The following DRG2 variants were observed in gnomAD, a reference collection of about 807,000 sequenced individuals.
The protein encoded by DRG2 is developmentally regulated GTP binding protein 2.
DRG2 carries 36 observed loss-of-function variants against 53.4 expected under a neutral mutation model. The ratio of observed to expected loss-of-function variants is 0.67; its 90% CI spans 0.52 to 0.89. The LOEUF (loss-of-function observed/expected upper bound fraction) is 0.89, where lower values mean the gene tolerates loss of function less well. Among genes scored for constraint, DRG2 ranks in the 40% least tolerant of loss-of-function variants. The pLI is 0.00. For synonymous variants in DRG2, 167 were observed against 192.1 expected, an observed-to-expected ratio of 0.87 and a Z score of 1.08; for missense variants, 342 against 481.2, an observed-to-expected ratio of 0.71 and a Z score of 2.71.
At chr17:18,104,535 T>C in intron 10 of DRG2, 88 bp from the exon 11 acceptor site, 1 of 1,596,884 alleles carries the variant, frequency 6.3e-7, no homozygotes, top group Non-Finnish European at 8.5e-7. Context: ...AAAGGGCCTC[T>C]GTGGCCAGCT....
chr17:18,106,570 C>T, intron 12 of DRG2, 84 bp downstream of exon 12: 2 of 1,478,230 alleles, frequency 1.4e-6, no homozygotes, highest in Non-Finnish European at 1.9e-6. Flanking sequence ...TTCACACTCT[C>T]TGCGTGGTGT....
At chr17:18,101,757 C>T (rs2045541176) in intron 8 of DRG2, among the ~76,000 whole-genome samples, 164 bp from the exon 9 acceptor site, 2 of 152,198 alleles carry the variant, frequency 1.3e-5, no homozygotes, top group African/African-American at 4.8e-5. Context: ...GAGCTTGAAA[C>T]CAGGGTTCCA....
At chr17:18,102,739 A>G (rs1487146274) in intron 9 of DRG2, among the ~76,000 whole-genome samples, 1 of 151,848 alleles carries the variant, frequency 6.6e-6, no homozygotes, top group Non-Finnish European at 1.5e-5. Context: ...CTTCTGTCTG[A>G]TCACAGCTCA....
Position 18,099,187 on chromosome 17 carries a change from G to T in DRG2, c.376+110G>T. ...CTCTGGATCCCTGGTCCATTATCCC[G>T]CTTTCCAGAAAAGACAGGTTCCAGT... is the stretch of plus-strand genomic sequence containing the variant. On this transcript the variant is annotated intron_variant, in intron 4 of 12. Transcript: ENST00000225729. This position sits in a 1 kb window ranked among gnomAD's most constrained non-coding sequence, Gnocchi z 4.4. 7.0e-7 allele frequency: 1 copy of T among 1,426,508 alleles called. No homozygotes were observed. Among genetic ancestry groups the T allele is most frequent in the Non-Finnish European group, 9.7e-7 (1 of 1,032,436 alleles). The allele number at this position is 1,426,508 out of a possible 1,614,324, so 88.4% of individuals were successfully genotyped here.
chr17:18,103,693 C>A lies in DRG2; in HGVS notation c.807-108C>A. The A allele has an allele frequency of 2.0e-6, 2 of 1,000,124 alleles. No homozygotes were observed. Among genetic ancestry groups the A allele is most frequent in the South Asian group, 1.3e-5 (1 of 74,412 alleles). The allele number at this position is 1,000,124 out of a possible 1,614,324, so 62.0% of individuals were successfully genotyped here. ...GGGCTTGTTTCCCTGTGGGTACCAG[C>A]GGGCCACCTGGCCAGTGGAGGTTAT... On this transcript the variant is annotated intron_variant, in intron 9 of 12. Transcript: ENST00000225729. This position sits in a 1 kb window ranked among gnomAD's most constrained non-coding sequence, Gnocchi z 4.4.
chr17:18,103,684 G>A lies in DRG2; in HGVS notation c.807-117G>A, dbSNP rs2045577540. On this transcript the variant is annotated intron_variant, in intron 9 of 12. Coordinates refer to ENST00000225729, the MANE Select transcript of DRG2 (RefSeq NM_001388.5). The surrounding 1 kb of genome is among the most constrained non-coding windows in gnomAD (Gnocchi z 4.4). ...CATAGTAATGGGCTTGTTTCCCTGT[G>A]GGTACCAGCGGGCCACCTGGCCAGT... The A allele has an allele frequency of 2.3e-6, 2 of 886,948 alleles. No homozygotes were observed. The allele number at this position is 886,948 out of a possible 1,614,324, so 54.9% of individuals were successfully genotyped here. A position where few individuals can be genotyped will look rare whatever the true frequency, so the allele number is the denominator to read the frequency against.
intron 1 of DRG2, among the ~76,000 whole-genome samples, chr17:18,093,564 C>T (rs536785020): frequency 2.2e-3 from 331 of 152,268 alleles, no homozygotes; most frequent in Non-Finnish European, 3.6e-3. Flanking sequence ...GTGATCCACC[C>T]GCCTCGGCCT....
intron 7 of DRG2, among the ~76,000 whole-genome samples, chr17:18,101,063 G>T (rs2045524988): frequency 6.6e-6 from 1 of 152,128 alleles, no homozygotes; most frequent in Non-Finnish European, 1.5e-5. Context: ...GCAGAGTTAT[G>T]CCTGGCATAT....
chr17:18,099,577 C>G lies in DRG2; in HGVS notation c.377-56C>G, dbSNP rs2045491894. On this transcript the variant is annotated intron_variant, in intron 4 of 12. Transcript: ENST00000225729. This position sits in a 1 kb window ranked among gnomAD's most constrained non-coding sequence, Gnocchi z 4.4. The stretch of plus-strand genomic sequence containing the variant: ...GGACAGGAGTCCAGGGCGCCGTGGG[C>G]TGGGTAGCAGTCACATGGGTCCACA... The G allele has an allele frequency of 1.3e-6, 2 of 1,547,756 alleles. No individual in the cohort carries two copies. Among genetic ancestry groups the G allele is most frequent in the East Asian group, 4.8e-5 (2 of 41,834 alleles).
rs146047740 is a variant in DRG2 at position 18,101,401 on chromosome 17, C to T, written c.632-92C>T. The T allele has an allele frequency of 2.2e-3, 2,603 of 1,197,104 alleles. 52 individuals carry two copies. In the African/African-American group the frequency reaches 0.036, roughly 17 times the overall value. The allele number at this position is 1,197,104 out of a possible 1,614,324, so 74.2% of individuals were successfully genotyped here. A position where few individuals can be genotyped will look rare whatever the true frequency, so the allele number is the denominator to read the frequency against. On this transcript the variant is annotated intron_variant, in intron 7 of 12. Coordinates refer to ENST00000225729, the MANE Select transcript of DRG2 (RefSeq NM_001388.5). The stretch of plus-strand genomic sequence containing the variant: ...AGATACCGCCACGGTCCCACACGGC[C>T]AGCATATTTCCTGCTTGGCTTTTTG...
intron 2 of DRG2, chr17:18,096,234 A>T (rs1027553348): frequency 2.0e-5 from 3 of 152,130 alleles, no homozygotes; most frequent in African/African-American, 7.2e-5. Context: ...TCCCCTTGCC[A>T]TGCCGCTTTG....
chr17:18,098,441 G>C lies in DRG2; in HGVS notation c.315+82G>C. On this transcript the variant is annotated intron_variant, in intron 3 of 12. Coordinates refer to ENST00000225729, the MANE Select transcript of DRG2 (RefSeq NM_001388.5). The surrounding 1 kb of genome is among the most constrained non-coding windows in gnomAD (Gnocchi z 4.1). ...GTGCCTGTGCCCACCCTGTGTGTGA[G>C]TCTGGGTGGATGTCCCCATGTCAGG... 3.9e-6 allele frequency: 5 copies of C among 1,276,356 alleles called. No individual in the cohort carries two copies. Among genetic ancestry groups the C allele is most frequent in the Non-Finnish European group, 5.7e-6 (5 of 877,926 alleles). 79.1% of individuals were successfully genotyped at this position (1,276,356 alleles called of 1,614,324 possible).
Position 18,099,486 on chromosome 17 carries a change from A to G in DRG2, c.377-147A>G. ...TGAAATAAGTCTCCGTCAGTAAAACATGTGGATTAAAGAAAAATGCCAAGC... is the reference window on the plus strand; with the variant it reads ...TGAAATAAGTCTCCGTCAGTAAAACGTGTGGATTAAAGAAAAATGCCAAGC... On this transcript the variant is annotated intron_variant, in intron 4 of 12. Coordinates refer to ENST00000225729, the MANE Select transcript of DRG2 (RefSeq NM_001388.5). The surrounding 1 kb of genome is among the most constrained non-coding windows in gnomAD (Gnocchi z 4.4). 1.2e-6 allele frequency: 1 copy of G among 801,290 alleles called. No individual in the cohort carries two copies. The highest frequency in any genetic ancestry group is 2.1e-6 in the Non-Finnish European group (1 of 475,294). The allele number at this position is 801,290 out of a possible 1,614,324, so 49.6% of individuals were successfully genotyped here. A position where few individuals can be genotyped will look rare whatever the true frequency, so the allele number is the denominator to read the frequency against.
intron 10 of DRG2, among the ~76,000 whole-genome samples, 177 bp downstream of exon 10, chr17:18,104,066 G>T (rs1027498843): frequency 6.6e-6 from 1 of 152,138 alleles, no homozygotes; most frequent in African/African-American, 2.4e-5. Flanking sequence ...GTACCCTGGT[G>T]GGGCAAGGCT....
In DRG2 at chr17:18,104,811, CTG is replaced by C. The variant is rs1354193245; in HGVS notation, c.954+131_954+132del. On this transcript the variant is annotated intron_variant, in intron 11 of 12. Coordinates refer to ENST00000225729, the MANE Select transcript of DRG2 (RefSeq NM_001388.5). ...TCACTCTCAGATGTCAACGCAGGCT[CTG>C]GAGTTGGACAGCCTGGGGCTGCGTC... 4 of 1,485,682 alleles carry C rather than the reference CTG, an allele frequency of 2.7e-6. No individual in the cohort carries two copies. In the African/African-American group the frequency reaches 5.6e-5, roughly 21 times the overall value. The allele number at this position is 1,485,682 out of a possible 1,614,324, so 92.0% of individuals were successfully genotyped here. A position where few individuals can be genotyped will look rare whatever the true frequency, so the allele number is the denominator to read the frequency against.
chr17:18,099,727 C>A lies in DRG2; in HGVS notation c.467+4C>A. 6.3e-7 allele frequency: 1 copy of A among 1,599,000 alleles called. No homozygotes were observed. The highest frequency in any genetic ancestry group is 8.5e-7 in the Non-Finnish European group (1 of 1,173,950). ...CCACCAAGGGAGAGGTGCAGAGGTC[C>A]GCAGGGTGGGGCATGGGGCAGGCTC... On this transcript the variant is annotated splice_donor_region_variant and intron_variant, in intron 5 of 12. Coordinates refer to ENST00000225729, the MANE Select transcript of DRG2 (RefSeq NM_001388.5). This position sits in a 1 kb window ranked among gnomAD's most constrained non-coding sequence, Gnocchi z 4.4.
chr17:18,102,296 G>T (rs2045551542), intron 9 of DRG2, among the ~76,000 whole-genome samples: 1 of 152,196 alleles, frequency 6.6e-6, no homozygotes, highest in Non-Finnish European at 1.5e-5. Flanking sequence ...AAAACAGAAG[G>T]ATTTCATCAA....
chr17:18,104,763 G>A lies in DRG2; in HGVS notation c.954+82G>A. ...CTCTGTTCTGCCTGAGGTGCCCTGG[G>A]CTGGGGGTGGGCTCTGCTGGTCTCA... On this transcript the variant is annotated intron_variant, in intron 11 of 12. Coordinates refer to ENST00000225729, the MANE Select transcript of DRG2 (RefSeq NM_001388.5). 3 of 1,603,700 alleles carry A rather than the reference G, an allele frequency of 1.9e-6. No homozygotes were observed. In the South Asian group the frequency reaches 3.3e-5, roughly 18 times the overall value.
intron 1 of DRG2, 105 bp downstream of exon 1, chr17:18,088,192 C>A: frequency 7.2e-7 from 1 of 1,381,500 alleles, no homozygotes; most frequent in African/African-American, 1.5e-5. Context: ...GATCCGAGGC[C>A]GCGGAGAAGT....
Sources: allele counts gnomAD v4.1 joint callset (sites outside exome capture counted in the v4.1 genomes callset), GRCh38; gene constraint gnomAD v4.1.1; non-coding constraint Gnocchi (gnomAD v3.1); transcripts MANE v1.5; gene names NCBI Gene and HGNC (gene_info 2026-07-23, HGNC 2026-07-21).